The following LRRC8D variants were observed in gnomAD, a reference collection of about 807,000 sequenced individuals.
LRRC8D encodes leucine rich repeat containing 8 VRAC subunit D.
In LRRC8D, 20 loss-of-function variants were observed where a neutral mutation model predicts 55.8. That is an observed-to-expected ratio of 0.36 (90% CI 0.25 to 0.52). LRRC8D has a LOEUF of 0.52. Ranked by LOEUF, LRRC8D falls within the 20% of genes least tolerant of loss-of-function variation. The pLI, the probability that LRRC8D is intolerant of heterozygous loss-of-function variation, is 0.93. For synonymous variants in LRRC8D, 352 were observed against 377.0 expected (o/e 0.93, Z 0.77); for missense variants, 651 against 1,030.8 (o/e 0.63, Z 5.05).
intron 2 of LRRC8D, among the ~76,000 whole-genome samples, chr1:89,901,633 G>A (rs1662852916): frequency 6.6e-6 from 1 of 152,162 alleles, no homozygotes; most frequent in African/African-American, 2.4e-5. Flanking sequence ...AGCAGGGTTA[G>A]ATTACCAGAT....
chr1:89,869,546 T>C (rs964734339), intron 2 of LRRC8D, among the ~76,000 whole-genome samples: 63 of 152,198 alleles, frequency 4.1e-4, no homozygotes, highest in African/African-American at 1.4e-3. Context: ...CAGGATATTA[T>C]CCAGGAGAAC....
At chr1:89,919,681 C>G (rs1663364331) in intron 2 of LRRC8D, among the ~76,000 whole-genome samples, 1 of 152,208 alleles carries the variant, frequency 6.6e-6, no homozygotes, top group Non-Finnish European at 1.5e-5. Flanking sequence ...TTTGGGATGA[C>G]TTTCTCTGGA....
chr1:89,915,021 T>A (rs1174378869), intron 2 of LRRC8D, among the ~76,000 whole-genome samples: 1 of 150,296 alleles, frequency 6.7e-6, no homozygotes, highest in Non-Finnish European at 1.5e-5. Flanking sequence ...CTCTACTGTG[T>A]GTGTGTGTGT....
At chr1:89,824,895 A>T (rs1660727552) in intron 1 of LRRC8D, among the ~76,000 whole-genome samples, 1 of 152,244 alleles carries the variant, frequency 6.6e-6, no homozygotes, top group East Asian at 1.9e-4. Flanking sequence ...CCTTAAGCTT[A>T]CAACTGCCTA....
At chr1:89,902,678 A>C (rs887323938) in intron 2 of LRRC8D, among the ~76,000 whole-genome samples, 1 of 151,608 alleles carries the variant, frequency 6.6e-6, no homozygotes, top group Non-Finnish European at 1.5e-5. Flanking sequence ...CTGGGACTAC[A>C]GGGCCCGGCT....
intron 1 of LRRC8D, among the ~76,000 whole-genome samples, chr1:89,838,598 C>T (rs774134308): frequency 3.3e-5 from 5 of 152,142 alleles, no homozygotes; most frequent in Non-Finnish European, 4.4e-5. Flanking sequence ...GCATTTTGAA[C>T]AGTCTTTTAT....
chr1:89,913,602 A>G (rs1663184824), intron 2 of LRRC8D, among the ~76,000 whole-genome samples: 2 of 152,240 alleles, frequency 1.3e-5, no homozygotes, highest in African/African-American at 4.8e-5. Context: ...ATACATGTGC[A>G]TATTACAAAC....
chr1:89,821,888 C>A (rs1263637219), intron 1 of LRRC8D: 1 of 151,974 alleles, frequency 6.6e-6, no homozygotes, highest in Non-Finnish European at 1.5e-5. Flanking sequence ...TGCACCCAGC[C>A]GTCCGCGGGC....
chr1:89,874,443 T>G (rs1453156237), intron 2 of LRRC8D, among the ~76,000 whole-genome samples: 1 of 146,296 alleles, frequency 6.8e-6, no homozygotes, highest in Non-Finnish European at 1.5e-5. Context: ...AAGAAACTAT[T>G]TGTGTGTGTG....
chr1:89,839,955 A>C (rs1302168279), intron 1 of LRRC8D, among the ~76,000 whole-genome samples: 1 of 152,194 alleles, frequency 6.6e-6, no homozygotes, highest in African/African-American at 2.4e-5. Flanking sequence ...TTTTTTAGAG[A>C]TGAGTTTATC....
chr1:89,903,291 T>C (rs761849078), intron 2 of LRRC8D, among the ~76,000 whole-genome samples: 14 of 152,242 alleles, frequency 9.2e-5, no homozygotes, highest in Non-Finnish European at 1.9e-4. Flanking sequence ...TGAGTTTCTT[T>C]CTTTCACAGT....
At position 89,932,824 on chromosome 1, in the gene LRRC8D, G is replaced by C. The variant is rs907478009; in HGVS notation, c.-2-243G>C. On this transcript the variant is annotated intron_variant, in intron 2 of 2. Transcript: ENST00000337338. ...TCCACTAAGTAACCACTATGGACTTGGTGCAGTCTGTCATAATTTCTTACC... is the reference window on the plus strand; with the variant it reads ...TCCACTAAGTAACCACTATGGACTTCGTGCAGTCTGTCATAATTTCTTACC... 4.6e-5 allele frequency among the ~76,000 whole-genome samples: 7 copies of C among 152,242 alleles called. 1 individual carries two copies. The South Asian group carries it at 1.4e-3, about 32-fold the overall frequency.
intron 1 of LRRC8D, among the ~76,000 whole-genome samples, chr1:89,838,026 C>T (rs1661039709): frequency 6.6e-6 from 1 of 151,950 alleles, no homozygotes; most frequent in African/African-American, 2.4e-5. Flanking sequence ...GGATCCAACC[C>T]TTTTACATTG....
At chr1:89,931,830 C>A (rs916312255) in intron 2 of LRRC8D, among the ~76,000 whole-genome samples, 1 of 151,958 alleles carries the variant, frequency 6.6e-6, no homozygotes, top group East Asian at 1.9e-4. Flanking sequence ...ACATGCATTC[C>A]CAAAACTCTT....
In LRRC8D at chr1:89,917,823, G is replaced by A. The variant is rs117724524; in HGVS notation, c.-2-15244G>A. Among the ~76,000 whole-genome samples the A allele has an allele frequency of 4.1e-4, 62 of 152,304 alleles. No homozygotes were observed. In the East Asian group the frequency reaches 9.1e-3, roughly 22 times the overall value. On this transcript the variant is annotated intron_variant, in intron 2 of 2. Coordinates refer to ENST00000337338, the MANE Select transcript of LRRC8D (RefSeq NM_001134479.2). ...AGGGCCTTGGAAGCGGTCAGTGCGA[G>A]GATAGGGTCCTGACCCTTAACCTTT...
intron 2 of LRRC8D, among the ~76,000 whole-genome samples, chr1:89,902,522 GTTTTCTTTTTCTTT>G (rs982067274): frequency 4.0e-5 from 6 of 151,454 alleles, no homozygotes; most frequent in Non-Finnish European, 8.8e-5. Flanking sequence ...ATAAAAGGAT[GTTTTCTTTTTCTTT>G]TTTTCTTTTT....
At chr1:89,896,164 G>A (rs1442284200) in intron 2 of LRRC8D, among the ~76,000 whole-genome samples, 1 of 152,158 alleles carries the variant, frequency 6.6e-6, no homozygotes, top group Non-Finnish European at 1.5e-5. Context: ...GCCGGGACTT[G>A]GAGCAGAGGT....
chr1:89,933,880 C>T lies in LRRC8D; in HGVS notation c.812C>T (p.Pro271Leu). The change falls in exon 3 of 3, where the codon CCC becomes CTC. Residue 271 changes from proline (P) to leucine (L), a missense_variant. Pro to Leu is a moderately conservative substitution (Grantham distance 98). Transcript: ENST00000337338. The surrounding 1 kb of genome is among the most constrained non-coding windows in gnomAD (Gnocchi z 7.0). ...GCTGAGAAGCCTGTGATTGAAGTTC[C>T]CAGCATGACAATCCTGGATAAAAAG... ...FSAEKPVIEVPSMTILDKKDG... is the reference protein window; with the variant it reads ...FSAEKPVIEVLSMTILDKKDG... 1 of 1,613,660 alleles carries T rather than the reference C, an allele frequency of 6.2e-7. No individual in the cohort carries two copies. Among genetic ancestry groups the T allele is most frequent in the Non-Finnish European group, 8.5e-7 (1 of 1,179,788 alleles).
chr1:89,921,601 A>G (rs982233615), intron 2 of LRRC8D, among the ~76,000 whole-genome samples: 3 of 151,854 alleles, frequency 2.0e-5, no homozygotes, highest in East Asian at 1.9e-4. Flanking sequence ...TTGGAGTGCA[A>G]TGGCACAATC....
Sources: allele counts gnomAD v4.1 joint callset (sites outside exome capture counted in the v4.1 genomes callset), GRCh38; gene constraint gnomAD v4.1.1; non-coding constraint Gnocchi (gnomAD v3.1); transcripts MANE v1.5; gene names NCBI Gene and HGNC (gene_info 2026-07-23, HGNC 2026-07-21).